CHD1L: variants seen among roughly 807,000 people sequenced by gnomAD.
The protein encoded by CHD1L is ATP-dependent chromatin remodeler CHD1L.
In CHD1L, 118 loss-of-function variants were observed where a neutral mutation model predicts 115.9. That is an observed-to-expected ratio of 1.02 (90% CI 0.88 to 1.19). The LOEUF (loss-of-function observed/expected upper bound fraction) is 1.19. CHD1L is among the 50% of genes most tolerant of loss of function. The pLI is 0.00. For synonymous variants in CHD1L, 411 were observed against 387.1 expected (o/e 1.06, Z -0.72); for missense variants, 1,179 against 1,065.3 (o/e 1.11, Z -1.49).
At chr1:147,272,773 TATG>T (rs1304031503) in intron 12 of CHD1L, among the ~76,000 whole-genome samples, 1 of 152,204 alleles carries the variant, frequency 6.6e-6, no homozygotes, top group Non-Finnish European at 1.5e-5. Context: ...ATCATCCATA[TATG>T]ATTTAAATCG....
At chr1:147,224,948 C>G in the CHD1L span, 1 of 1,614,070 alleles carries the variant, frequency 6.2e-7, no homozygotes, top group African/African-American at 1.3e-5. Flanking sequence ...CAGACAGGTT[C>G]CAAGCCTTCT....
intron 20 of CHD1L, 134 bp from the exon 21 acceptor site, chr1:147,293,474 C>A: frequency 5.8e-6 from 4 of 685,752 alleles, no homozygotes; most frequent in Non-Finnish European, 1.0e-5. Flanking sequence ...CATTGCTGTT[C>A]AGGCATAGCA....
the CHD1L span, among the ~76,000 whole-genome samples, chr1:147,201,721 G>A: frequency 6.6e-6 from 1 of 152,170 alleles, no homozygotes; most frequent in African/African-American, 2.4e-5. Flanking sequence ...GAGAGTGTTG[G>A]AGGAGTGAAG....
At chr1:147,263,373 G>T (rs1672665046) in intron 6 of CHD1L, among the ~76,000 whole-genome samples, 1 of 149,260 alleles carries the variant, frequency 6.7e-6, no homozygotes, top group Non-Finnish European at 1.5e-5. Context: ...AGGTTACAGT[G>T]AGCCGAGATC....
At position 147,291,479 on chromosome 1, in the gene CHD1L, C is replaced by T. The variant is rs371040674; in HGVS notation, c.2321-3C>T. The T allele has an allele frequency of 1.2e-6, 2 of 1,612,970 alleles. No homozygotes were observed. The highest frequency in any genetic ancestry group is 1.7e-6 in the Non-Finnish European group (2 of 1,179,130). On this transcript the variant is annotated splice_region_variant and splice_polypyrimidine_tract_variant and intron_variant, in intron 19 of 22. Transcript: ENST00000369258. ...TATGTTGCTCCTTTCTGTTTTACCTCAGACCTGAGTTTGGGAGGTGTCCTT... is the reference window on the plus strand; with the variant it reads ...TATGTTGCTCCTTTCTGTTTTACCTTAGACCTGAGTTTGGGAGGTGTCCTT...
At chr1:147,265,069 T>C (rs1355551351) in intron 7 of CHD1L, among the ~76,000 whole-genome samples, 1 of 152,226 alleles carries the variant, frequency 6.6e-6, no homozygotes, top group Admixed American at 6.5e-5. Context: ...TCTGTTCTTG[T>C]ACCTTTGCCC....
Position 147,249,699 on chromosome 1 carries a change from C to T in CHD1L, c.128-2924C>T, listed in dbSNP as rs143433334. ...GATTACAGGCGTGAGCCACCGCGCCCGGCAATGTTTTGTTATGTTTGCGGT... is the reference window on the plus strand; with the variant it reads ...GATTACAGGCGTGAGCCACCGCGCCTGGCAATGTTTTGTTATGTTTGCGGT... On this transcript the variant is annotated intron_variant, in intron 1 of 22. Transcript: ENST00000369258. Among the ~76,000 whole-genome samples, 629 of 152,226 alleles carry T rather than the reference C, an allele frequency of 4.1e-3. 7 individuals carry two copies. Among genetic ancestry groups the T allele is most frequent in the African/African-American group, 0.014 (596 of 41,530 alleles).
chr1:147,178,683 G>A, the CHD1L span: 1 of 1,575,560 alleles, frequency 6.3e-7, no homozygotes. Flanking sequence ...CGAATGTTGA[G>A]TCTCTGGTGA....
the CHD1L span, chr1:147,225,463 A>G: frequency 2.4e-5 from 4 of 166,840 alleles, no homozygotes; most frequent in Non-Finnish European, 5.3e-5. Flanking sequence ...AGCGGCACCC[A>G]TTCTCCCTCC....
the CHD1L span, among the ~76,000 whole-genome samples, chr1:147,228,901 G>C: frequency 6.6e-6 from 1 of 152,044 alleles, no homozygotes; most frequent in Non-Finnish European, 1.5e-5. Context: ...TGTAGATTCT[G>C]GATATTAGCC....
At chr1:147,195,512 G>A in the CHD1L span, among the ~76,000 whole-genome samples, 781 of 152,210 alleles carry the variant, frequency 5.1e-3, 8 homozygotes, top group African/African-American at 0.017. Context: ...TCTTTGATAA[G>A]AGTAGGGGTT....
At chr1:147,185,933 A>T in the CHD1L span, among the ~76,000 whole-genome samples, 1 of 152,194 alleles carries the variant, frequency 6.6e-6, no homozygotes, top group African/African-American at 2.4e-5. Flanking sequence ...GTATAAGCAG[A>T]ATGTTCCTAC....
At chr1:147,175,828 A>T in the CHD1L span, 1 of 152,194 alleles carries the variant, frequency 6.6e-6, no homozygotes, top group Admixed American at 6.5e-5. Flanking sequence ...CGATACATAC[A>T]ATAATATTGA....
At position 147,254,848 on chromosome 1, in the gene CHD1L, CCTTT is replaced by C. The variant is rs781937366; in HGVS notation, c.241-17_241-14del. 4.5e-6 allele frequency: 7 copies of C among 1,542,788 alleles called. No individual in the cohort carries two copies. The highest frequency in any genetic ancestry group is 6.2e-6 in the Non-Finnish European group (7 of 1,136,770). ...TCATGGGGAAATGTGATCAAAACTG[CCTTT>C]CTTTTTCTGTGTTCCAGACTATTGC... is the stretch of plus-strand genomic sequence containing the variant. On this transcript the variant is annotated intron_variant, in intron 2 of 22. Transcript: ENST00000369258.
At chr1:147,177,780 G>C in the CHD1L span, among the ~76,000 whole-genome samples, 1 of 152,166 alleles carries the variant, frequency 6.6e-6, no homozygotes, top group Non-Finnish European at 1.5e-5. Flanking sequence ...CAGTCTAGAA[G>C]AGCCTGGTGA....
intron 13 of CHD1L, 112 bp downstream of exon 13, chr1:147,275,580 C>T (rs1273892790): frequency 2.7e-6 from 2 of 753,776 alleles, no homozygotes; most frequent in Non-Finnish European, 4.5e-6. Flanking sequence ...GAGAGACCAC[C>T]AGGTTTTAGC....
the CHD1L span, chr1:147,204,284 C>G: frequency 1.0e-6 from 1 of 991,484 alleles, no homozygotes; most frequent in Non-Finnish European, 1.6e-6. Context: ...CCATGCAATA[C>G]TGAAGAGGAA....
At chr1:147,191,656 T>C in the CHD1L span, among the ~76,000 whole-genome samples, 1 of 146,888 alleles carries the variant, frequency 6.8e-6, no homozygotes, top group African/African-American at 2.6e-5. Flanking sequence ...CTGATGGTAG[T>C]TTCTTTAGTC....
the CHD1L span, among the ~76,000 whole-genome samples, chr1:147,237,216 C>A: frequency 6.6e-6 from 1 of 152,152 alleles, no homozygotes; most frequent in Non-Finnish European, 1.5e-5. Flanking sequence ...CAGAAAGAGG[C>A]CAGGCAATGG....
Sources: allele counts gnomAD v4.1 joint callset (sites outside exome capture counted in the v4.1 genomes callset), GRCh38; gene constraint gnomAD v4.1.1; transcripts MANE v1.5; gene names NCBI Gene and HGNC (gene_info 2026-07-23, HGNC 2026-07-21).